ZNF366: variants seen among roughly 807,000 people sequenced by gnomAD.
ZNF366 encodes dendritic cell-specific transcript protein.
A neutral mutation model predicts 47.2 loss-of-function variants in ZNF366; 20 were observed. The observed-to-expected ratio is 0.42, with a 90% CI of 0.30 to 0.62. The LOEUF (loss-of-function observed/expected upper bound fraction) is 0.62, where lower values mean the gene tolerates loss of function less well. Ranked by LOEUF, ZNF366 falls within the 20% of genes least tolerant of loss-of-function variation. The pLI is 0.16. For missense variants in ZNF366, 987 were observed against 976.3 expected, an observed-to-expected ratio of 1.01 and a Z score of -0.15; for synonymous variants, 421 against 395.1, an observed-to-expected ratio of 1.07 and a Z score of -0.78.
In ZNF366 at chr5:72,448,903, C is replaced by T. The variant is rs191852585; in HGVS notation, c.1525-1486G>A. ...GCTGGTTCTGTATTCTTGAATGATT[C>T]ATGTTTGAGAATTGTAAGTACTTTC... On this transcript the variant is annotated intron_variant, in intron 3 of 4. Coordinates refer to ENST00000318442, the MANE Select transcript of ZNF366 (RefSeq NM_152625.3). Among the ~76,000 whole-genome samples the T allele has an allele frequency of 2.5e-3, 374 of 152,232 alleles. 2 individuals are homozygous for T. Among genetic ancestry groups the T allele is most frequent in the African/African-American group, 8.3e-3 (345 of 41,520 alleles).
intron 1 of ZNF366, among the ~76,000 whole-genome samples, chr5:72,495,090 T>C (rs1453775047): frequency 6.6e-6 from 1 of 152,052 alleles, no homozygotes; most frequent in Non-Finnish European, 1.5e-5. Flanking sequence ...GGAGCAGAAT[T>C]TACTCCAGCC....
At chr5:72,481,064 A>G (rs1007554884) in intron 1 of ZNF366, among the ~76,000 whole-genome samples, 2 of 152,162 alleles carry the variant, frequency 1.3e-5, no homozygotes, top group African/African-American at 4.8e-5. Flanking sequence ...CGGACAGGTG[A>G]CTCAGCTCTC....
At chr5:72,462,547 C>CTTTCT (rs11275151) in intron 1 of ZNF366, among the ~76,000 whole-genome samples, 792 of 78,812 alleles carry the variant, frequency 0.01, 12 homozygotes, top group African/African-American at 0.034. Flanking sequence ...TTCTTTCTTT[C>CTTTCT]TTTTTTTTTT....
intron 1 of ZNF366, among the ~76,000 whole-genome samples, chr5:72,468,406 T>C (rs542292357): frequency 2.7e-4 from 41 of 152,334 alleles, no homozygotes; most frequent in African/African-American, 9.6e-4. Flanking sequence ...CCAAGTCCTC[T>C]AGGTGGCCAG....
chr5:72,484,642 A>G (rs1743856995), intron 1 of ZNF366, among the ~76,000 whole-genome samples: 1 of 152,126 alleles, frequency 6.6e-6, no homozygotes, highest in Admixed American at 6.5e-5. Flanking sequence ...TCCACCTTTC[A>G]GATATCATAG....
chr5:72,503,126 A>G (rs1032861383), intron 1 of ZNF366, among the ~76,000 whole-genome samples: 16 of 151,838 alleles, frequency 1.1e-4, no homozygotes, highest in African/African-American at 2.9e-4. Flanking sequence ...CTCTGTCTCA[A>G]AAAAAAAGTG....
At chr5:72,466,500 T>C (rs1203833085) in intron 1 of ZNF366, among the ~76,000 whole-genome samples, 1 of 152,182 alleles carries the variant, frequency 6.6e-6, no homozygotes, top group African/African-American at 2.4e-5. Context: ...ACTAGAATAG[T>C]GCTGGGTCAA....
chr5:72,462,548 T>TTTCTTTC (rs1491183598), intron 1 of ZNF366, among the ~76,000 whole-genome samples: 2 of 24,492 alleles, frequency 8.2e-5, no homozygotes, highest in African/African-American at 2.4e-4. Context: ...TCTTTCTTTC[T>TTTCTTTC]TTTTTTTTTT....
At position 72,460,766 on chromosome 5, in the gene ZNF366, A is replaced by C. The variant is rs1183212669; in HGVS notation, c.731T>G (p.Val244Gly). The change falls in exon 2 of 5, where the codon GTG (valine) becomes GGG (glycine). Residue 244 changes from valine to glycine, a missense_variant. By Grantham distance (109) the Val-to-Gly change is moderately radical. Around this residue, in one of 3 missense-constraint regions of ZNF366, gnomAD observed 591 missense variants for 560.9 expected, o/e 1.05. Transcript: ENST00000318442. Reference protein sequence around the residue: ...VNVQIDDSYYVDVGGSQKRWQ... With the variant: ...VNVQIDDSYYGDVGGSQKRWQ... ...GCGCTTCTGCGAGCCGCCCACGTCC[A>C]CGTAGTAGCTGTCATCGATCTGCAC... The C allele has an allele frequency of 6.2e-7, 1 of 1,614,194 alleles. No homozygotes were observed. The highest frequency in any genetic ancestry group is 1.1e-5 in the South Asian group (1 of 91,084).
intron 1 of ZNF366, among the ~76,000 whole-genome samples, chr5:72,482,662 C>T (rs1743811522): frequency 6.6e-6 from 1 of 152,080 alleles, no homozygotes; most frequent in African/African-American, 2.4e-5. Context: ...TGTGGTCCAC[C>T]ACAGGCTCCG....
intron 1 of ZNF366, chr5:72,472,529 A>G (rs1743588126): frequency 1.0e-6 from 1 of 985,242 alleles, no homozygotes; most frequent in Admixed American, 6.1e-5. Flanking sequence ...GGGACTTGCA[A>G]AATTAGGCTG....
intron 1 of ZNF366, among the ~76,000 whole-genome samples, chr5:72,491,971 T>TC (rs1194534968): frequency 1.3e-5 from 2 of 152,142 alleles, no homozygotes. Context: ...GGAGGAGTGT[T>TC]CTAGGTCAAA....
rs760498269 is a variant in ZNF366, at chr5:72,461,459, A to G, written c.38T>C (p.Val13Ala). The part of the protein sequence containing the change: ...KEMKMIKDED[V>A]HFDLAVKKTP... ...CTTCTTCACAGCCAAGTCGAAATGC[A>G]CATCCTCGTCTTTGATCATCTTCAT... is the stretch of plus-strand genomic sequence containing the variant. Residue 13 changes from valine (V) to alanine (A), a missense_variant, in exon 2 of 5, where the codon GTG (valine) becomes GCG (alanine). By Grantham distance (64) the Val-to-Ala change is moderately conservative. Transcript: ENST00000318442. The G allele has an allele frequency of 6.3e-7, 1 of 1,589,194 alleles. No homozygotes were observed. The highest frequency in any genetic ancestry group is 8.6e-7 in the Non-Finnish European group (1 of 1,164,328).
chr5:72,505,320 A>G (rs189423007), intron 1 of ZNF366, among the ~76,000 whole-genome samples: 147 of 152,340 alleles, frequency 9.6e-4, no homozygotes, highest in Middle Eastern at 3.4e-3. Context: ...TTCTTCGGGT[A>G]GCTAAAATTC....
intron 3 of ZNF366, among the ~76,000 whole-genome samples, chr5:72,452,410 C>CT (rs1455930903): frequency 4.6e-5 from 7 of 152,212 alleles, no homozygotes; most frequent in African/African-American, 1.7e-4. Context: ...GCAGTTCATA[C>CT]GGCTATATCC....
At chr5:72,465,011 T>G (rs1743401650) in intron 1 of ZNF366, among the ~76,000 whole-genome samples, 1 of 151,732 alleles carries the variant, frequency 6.6e-6, no homozygotes, top group African/African-American at 2.4e-5. Flanking sequence ...TGAGCCGAGA[T>G]TGCACCACTG....
At position 72,447,274 on chromosome 5, in the gene ZNF366, A is replaced by G; in HGVS notation, c.1668T>C (p.His556=). Residue 556 remains histidine, a synonymous_variant, in exon 4 of 5, where the codon CAT becomes CAC. Transcript: ENST00000318442. ...GNLTRHMKVK[H]GVMERGLHSQ... ...AATGAAGGCCCCGCTCCATGACTCCATGCTTGACTTTCATGTGGCGTGTCA... is the reference window on the plus strand; with the variant it reads ...AATGAAGGCCCCGCTCCATGACTCCGTGCTTGACTTTCATGTGGCGTGTCA... 1 of 1,614,168 alleles carries G rather than the reference A, an allele frequency of 6.2e-7. No homozygotes were observed. Among genetic ancestry groups the G allele is most frequent in the Non-Finnish European group, 8.5e-7 (1 of 1,180,032 alleles).
At chr5:72,481,157 T>C (rs939702915) in intron 1 of ZNF366, among the ~76,000 whole-genome samples, 4 of 152,212 alleles carry the variant, frequency 2.6e-5, no homozygotes, top group Admixed American at 2.0e-4. Flanking sequence ...CAGAAGAAAG[T>C]CCTGAAAGCA....
intron 3 of ZNF366, among the ~76,000 whole-genome samples, chr5:72,452,420 C>A (rs1193077240): frequency 6.6e-6 from 1 of 152,212 alleles, no homozygotes; most frequent in Non-Finnish European, 1.5e-5. Context: ...CGGCTATATC[C>A]TTCCTTCTGC....
Sources: allele counts gnomAD v4.1 joint callset (sites outside exome capture counted in the v4.1 genomes callset), GRCh38; gene constraint gnomAD v4.1.1; regional missense constraint gnomAD v4.1.1; transcripts MANE v1.5; gene names NCBI Gene and HGNC (gene_info 2026-07-23, HGNC 2026-07-21).